ARHGAP42: variants seen among roughly 807,000 people sequenced by gnomAD.
ARHGAP42 encodes the protein rho GTPase-activating protein 42.
ARHGAP42 carries 63 observed loss-of-function variants against 125.0 expected under a neutral mutation model. The ratio of observed to expected loss-of-function variants is 0.50; its 90% confidence interval spans 0.41 to 0.62. The LOEUF is 0.62. ARHGAP42 is among the 20% of genes least tolerant of loss of function. The pLI is 0.00. For synonymous variants in ARHGAP42, 339 were observed against 351.0 expected (o/e 0.97, Z 0.38); for missense variants, 766 against 1,024.2 (o/e 0.75, Z 3.44).
At chr11:100,818,241 C>T (rs1207319558) in intron 3 of ARHGAP42, among the ~76,000 whole-genome samples, 2 of 152,182 alleles carry the variant, frequency 1.3e-5, no homozygotes, top group East Asian at 1.9e-4. Flanking sequence ...CAATCATCCA[C>T]TGACCCATTA....
At chr11:100,755,878 A>G (rs957376105) in intron 1 of ARHGAP42, among the ~76,000 whole-genome samples, 9 of 152,212 alleles carry the variant, frequency 5.9e-5, no homozygotes, top group African/African-American at 2.2e-4. Flanking sequence ...AAGTTGAGGC[A>G]GTGCAGTATA....
intron 2 of ARHGAP42, among the ~76,000 whole-genome samples, chr11:100,785,543 T>C (rs1487921378): frequency 6.6e-6 from 1 of 152,092 alleles, no homozygotes; most frequent in Non-Finnish European, 1.5e-5. Flanking sequence ...AAAAGAGCAC[T>C]GGGCAAGGAA....
At chr11:100,713,116 G>T (rs1454293246) in intron 1 of ARHGAP42, among the ~76,000 whole-genome samples, 1 of 152,192 alleles carries the variant, frequency 6.6e-6, no homozygotes, top group African/African-American at 2.4e-5. Context: ...AACCATAAGT[G>T]TTCTCCTGGA....
intron 4 of ARHGAP42, among the ~76,000 whole-genome samples, chr11:100,894,170 T>C (rs1483825023): frequency 1.3e-5 from 2 of 152,210 alleles, no homozygotes; most frequent in African/African-American, 4.8e-5. Flanking sequence ...AATATCAGAA[T>C]GTATTCTGCC....
chr11:100,786,954 A>G (rs1487532390), intron 2 of ARHGAP42, among the ~76,000 whole-genome samples: 1 of 152,004 alleles, frequency 6.6e-6, no homozygotes, highest in Non-Finnish European at 1.5e-5. Context: ...TGTGTTGGTG[A>G]GGGAGTTCTC....
rs117235889 is a variant in ARHGAP42 at position 100,836,257 on chromosome 11, C to A, written c.313-23297C>A. ...AAATGTTCACAGATCAGTTCTTAGT[C>A]TTCTATGTGAATGGAATTTTCTGTT... On this transcript the variant is annotated intron_variant, in intron 3 of 23. Transcript: ENST00000298815. 7.8e-3 allele frequency among the ~76,000 whole-genome samples: 1,187 copies of A among 152,180 alleles called. 5 individuals are homozygous for A. Among genetic ancestry groups the A allele is most frequent in the Non-Finnish European group, 0.012 (829 of 67,952 alleles).
intron 1 of ARHGAP42, among the ~76,000 whole-genome samples, chr11:100,770,056 C>T (rs1392635077): frequency 6.6e-6 from 1 of 152,126 alleles, no homozygotes; most frequent in Non-Finnish European, 1.5e-5. Flanking sequence ...CTTTGGTAAA[C>T]TGACTTCCAG....
At chr11:100,693,744 G>A (rs1861231622) in intron 1 of ARHGAP42, among the ~76,000 whole-genome samples, 2 of 152,112 alleles carry the variant, frequency 1.3e-5, no homozygotes, top group African/African-American at 4.8e-5. Context: ...TATGATCAAG[G>A]TACTTTCAGA....
At chr11:100,982,673 C>A (rs1565306627) in intron 22 of ARHGAP42, among the ~76,000 whole-genome samples, 1 of 152,110 alleles carries the variant, frequency 6.6e-6, no homozygotes, top group Non-Finnish European at 1.5e-5. Flanking sequence ...AACAGGCAAG[C>A]TATACAAATA....
intron 16 of ARHGAP42, among the ~76,000 whole-genome samples, chr11:100,963,919 C>T (rs1300724559): frequency 6.6e-6 from 1 of 152,102 alleles, no homozygotes; most frequent in Admixed American, 6.5e-5. Context: ...TAAAATGGCT[C>T]AATGAGCTTA....
intron 12 of ARHGAP42, among the ~76,000 whole-genome samples, chr11:100,952,734 C>CTTTTTTTTTTTTTTTTT (rs59112603): frequency 3.4e-5 from 4 of 117,524 alleles, no homozygotes; most frequent in South Asian, 2.8e-4. Flanking sequence ...CTAAGTCAGG[C>CTTTTTTTTTTTTTTTTT]TTTTTTTTTT....
At position 100,757,751 on chromosome 11, in the gene ARHGAP42, T is replaced by C. The variant is rs117909679; in HGVS notation, c.155-12592T>C. ...ATGTAGGATAATGAGTTTCTTGAAA[T>C]TGACTCACAAAAAAACACTGTGTAA... On this transcript the variant is annotated intron_variant, in intron 1 of 23. Coordinates refer to ENST00000298815, the MANE Select transcript of ARHGAP42 (RefSeq NM_152432.4). 7.6e-3 allele frequency among the ~76,000 whole-genome samples: 1,152 copies of C among 152,256 alleles called. 14 individuals carry two copies. Among genetic ancestry groups the C allele is most frequent in the South Asian group, 0.03 (146 of 4,822 alleles).
intron 9 of ARHGAP42, among the ~76,000 whole-genome samples, chr11:100,943,206 A>G (rs1867927300): frequency 6.6e-6 from 1 of 151,800 alleles, no homozygotes; most frequent in African/African-American, 2.4e-5. Context: ...TTACTTTTGC[A>G]CCAACCTGAT....
intron 4 of ARHGAP42, among the ~76,000 whole-genome samples, chr11:100,875,051 T>G (rs1865778802): frequency 6.7e-6 from 1 of 148,206 alleles, no homozygotes; most frequent in African/African-American, 2.5e-5. Context: ...GTTGGCAAAC[T>G]GCTGACTAAA....
intron 4 of ARHGAP42, among the ~76,000 whole-genome samples, chr11:100,872,636 G>T (rs541440236): frequency 6.6e-6 from 1 of 152,064 alleles, no homozygotes; most frequent in African/African-American, 2.4e-5. Context: ...CAGGTGATTT[G>T]TCCGCCTCAG....
intron 4 of ARHGAP42, 79 bp downstream of exon 4, chr11:100,859,704 G>T: frequency 8.5e-7 from 1 of 1,172,364 alleles, no homozygotes; most frequent in Non-Finnish European, 1.2e-6. Context: ...TAACATTTTT[G>T]AAATTAGAAT....
At chr11:100,711,000 C>T (rs991697804) in intron 1 of ARHGAP42, among the ~76,000 whole-genome samples, 1 of 152,210 alleles carries the variant, frequency 6.6e-6, no homozygotes, top group African/African-American at 2.4e-5. Context: ...AAGCTATGGT[C>T]TCTGTCCCTT....
intron 2 of ARHGAP42, among the ~76,000 whole-genome samples, chr11:100,779,493 C>CACAT (rs1460764720): frequency 1.4e-5 from 1 of 72,156 alleles, no homozygotes; most frequent in African/African-American, 3.6e-5. Context: ...TATACACACA[C>CACAT]ACACATATAT....
intron 9 of ARHGAP42, among the ~76,000 whole-genome samples, chr11:100,942,378 C>T (rs762400488): frequency 2.6e-5 from 4 of 152,104 alleles, no homozygotes; most frequent in East Asian, 1.9e-4. Context: ...CTCATTTACC[C>T]GAAAAGTAAA....
Sources: gnomAD v4.1 joint callset for allele counts (sites outside exome capture counted in the v4.1 genomes callset) on GRCh38, gnomAD v4.1.1 for gene constraint, MANE v1.5 for transcripts, NCBI Gene and HGNC (gene_info 2026-07-23, HGNC 2026-07-21) for gene names.